The following PRR32 variants were observed in gnomAD, a reference collection of about 807,000 sequenced individuals.
PRR32 encodes proline rich 32.
PRR32 carries 2 observed loss-of-function variants against 1.3 expected under a neutral mutation model. That is an observed-to-expected ratio of 1.49 (90% CI 0.61 to 4.68). PRR32 has a LOEUF of 4.68. Ranked by LOEUF, PRR32 falls within the 30% of genes most tolerant of loss-of-function variation. PRR32 has a pLI of 0.06. For synonymous variants in PRR32, 107 were observed against 88.7 expected (o/e 1.21, Z -1.16); for missense variants, 241 against 232.5 (o/e 1.04, Z -0.24).
At position 126,821,510 on chromosome X, in the gene PRR32, CA is replaced by C. The variant is rs1930561182; in HGVS notation, c.873del (p.Ser292HisfsTer14). 2 of 1,165,277 alleles carry C rather than the reference CA, an allele frequency of 1.7e-6. No homozygotes were observed. Among genetic ancestry groups the C allele is most frequent in the Non-Finnish European group, 1.1e-6 (1 of 872,924 alleles). On this transcript the variant is annotated frameshift_variant, in exon 2 of 2. Coordinates refer to ENST00000371125, the MANE Select transcript of PRR32 (RefSeq NM_001122716.2). LOFTEE classifies it high-confidence loss of function. ...HFHSGGMPAP[A>X]SPNREHS is the part of the protein sequence containing the mutation. ...CATTCTGGGGGAATGCCAGCTCCTG[CA>C]TCACCCAACAGAGAGCACAGCTGAT...
In PRR32 at chrX:126,821,392, C is replaced by T; in HGVS notation, c.754C>T (p.Pro252Ser). 22 of 1,168,247 alleles carry T rather than the reference C, an allele frequency of 1.9e-5. No homozygotes were observed. Among genetic ancestry groups the T allele is most frequent in the Non-Finnish European group, 2.4e-5 (21 of 873,108 alleles). Residue 252 changes from proline to serine, a missense_variant, in exon 2 of 2, where the codon CCT (proline) becomes TCT (serine). Pro to Ser is a moderately conservative substitution (Grantham distance 74). Transcript: ENST00000371125. ...STVHCFIPPRPPIFNPFLTMP... is the reference protein window; with the variant it reads ...STVHCFIPPRSPIFNPFLTMP... ...TGTTCATTGTTTCATCCCTCCTCGA[C>T]CTCCGATTTTCAATCCCTTTCTCAC...
rs1250040021 is a variant in PRR32 at position 126,821,556 on chromosome X, AAAAGGGTTGTGG to A, written c.*26_*37del. ...GCTGATGGCAAAAAGGAAGGATGAA[AAAAGGGTTGTGG>A]AAAGAGGTGAAAGTTATTCATTTAT... On this transcript the variant is annotated 3_prime_UTR_variant, in exon 2 of 2. Coordinates refer to ENST00000371125, the MANE Select transcript of PRR32 (RefSeq NM_001122716.2). 8.6e-7 allele frequency: 1 copy of A among 1,157,842 alleles called. No individual in the cohort carries two copies.
rs200229374 is a variant in PRR32, at chrX:126,820,843, C to A, written c.205C>A (p.Gln69Lys). The A allele has an allele frequency of 2.1e-4, 241 of 1,165,767 alleles. No homozygotes were observed. Among genetic ancestry groups the A allele is most frequent in the Non-Finnish European group, 2.7e-4 (232 of 872,600 alleles). ...VNVLTDLDSK[Q>K]LEWPSERTGS... ...TGTGCTGACTGATCTGGATAGCAAG[C>A]AACTGGAGTGGCCCTCTGAAAGAAC... Residue 69 changes from glutamine to lysine, a missense_variant, in exon 2 of 2, where the codon CAA (glutamine) becomes AAA (lysine). Transcript: ENST00000371125.
intron 1 of PRR32, 125 bp downstream of exon 1, chrX:126,819,988 A>C (rs1218736237): frequency 2.9e-5 from 18 of 620,726 alleles, no homozygotes; most frequent in Non-Finnish European, 4.4e-5. Flanking sequence ...ACAGACAAAA[A>C]CTTGAAGGAC....
At position 126,820,660 on chromosome X, in the gene PRR32, C is replaced by T. The variant is rs1930539035; in HGVS notation, c.22C>T (p.Leu8Phe). 1.7e-6 allele frequency: 2 copies of T among 1,163,834 alleles called. No homozygotes were observed. The highest frequency in any genetic ancestry group is 2.3e-6 in the Non-Finnish European group (2 of 871,168). The change falls in exon 2 of 2, where the codon CTT becomes TTT. Residue 8 changes from leucine to phenylalanine, a missense_variant and splice_region_variant. Physicochemically the swap from Leu to Phe is conservative, Grantham distance 22. Coordinates refer to ENST00000371125, the MANE Select transcript of PRR32 (RefSeq NM_001122716.2). ...CTGTTTGATTTCTGTTTTTGCAAGCCTTGGAGGGCACGCCCCTTCACCCTT... is the reference window on the plus strand; with the variant it reads ...CTGTTTGATTTCTGTTTTTGCAAGCTTTGGAGGGCACGCCCCTTCACCCTT... MACIENV[L>F]GGHAPSPLVV...
rs1006060581 is a variant in PRR32, at chrX:126,821,017, A to C, written c.379A>C (p.Asn127His). 7.7e-6 allele frequency: 9 copies of C among 1,162,150 alleles called. No homozygotes were observed. Among genetic ancestry groups the C allele is most frequent in the Non-Finnish European group, 1.0e-5 (9 of 870,738 alleles). The change falls in exon 2 of 2, where the codon AAT (asparagine) becomes CAT (histidine). Residue 127 changes from asparagine (N) to histidine (H), a missense_variant. Transcript: ENST00000371125. Reference protein sequence around the residue: ...GWRQEGQDAINVSWEVSGGPP... With the variant: ...GWRQEGQDAIHVSWEVSGGPP... ...GAGGCAGGAGGGACAGGATGCTATT[A>C]ATGTGTCCTGGGAAGTCTCTGGCGG...
At chrX:126,820,510 G>T (rs774674410) in intron 1 of PRR32, 149 bp from the exon 2 acceptor site, 5 of 689,887 alleles carry the variant, frequency 7.2e-6, no homozygotes, top group Non-Finnish European at 1.0e-5. Flanking sequence ...GGGCCAGAGC[G>T]CTGAGCAAGT....
At position 126,819,864 on chromosome X, in the gene PRR32, G is replaced by GT. The variant is rs1357239026; in HGVS notation, c.20+2dup. The GT allele has an allele frequency of 8.6e-7, 1 of 1,162,698 alleles. No homozygotes were observed. Among genetic ancestry groups the GT allele is most frequent in the Non-Finnish European group, 1.1e-6 (1 of 870,860 alleles). ...TCTTCATGGCTTGTATTGAAAACGT[G>GT]TAAGTACAAAACCGAGTACAACTGT... On this transcript the variant is annotated splice_donor_variant, in intron 1 of 1. Transcript: ENST00000371125. LOFTEE classifies it high-confidence loss of function.
chrX:126,819,789 T>A lies in PRR32; in HGVS notation c.-55T>A, dbSNP rs895410932. The A allele has an allele frequency of 2.0e-5, 23 of 1,129,107 alleles. No homozygotes were observed. The African/African-American group carries it at 3.7e-4, about 18-fold the overall frequency. The allele number at this position is 1,129,107 out of a possible 1,213,427, so 93.1% of individuals were successfully genotyped here. On this transcript the variant is annotated 5_prime_UTR_variant, in exon 1 of 2. Transcript: ENST00000371125. ...GTCATTTCTCCAGACCTAGCTGGCC[T>A]GTTCAGTGGGTTATCTCCACCACCT... is the stretch of plus-strand genomic sequence containing the variant.
Position 126,821,632 on chromosome X carries a change from T to A in PRR32, c.*97T>A. The A allele has an allele frequency of 9.6e-7, 1 of 1,045,753 alleles. No homozygotes were observed. Among genetic ancestry groups the A allele is most frequent in the Non-Finnish European group, 1.3e-6 (1 of 792,967 alleles). 86.2% of individuals were successfully genotyped at this position (1,045,753 alleles called of 1,213,427 possible). ...AAACCTTGTACCCTCCCACACTCTG[T>A]TTAGCACTAATGTGCCCTACTTGAA... is the stretch of plus-strand genomic sequence containing the variant. On this transcript the variant is annotated 3_prime_UTR_variant, in exon 2 of 2. Coordinates refer to ENST00000371125, the MANE Select transcript of PRR32 (RefSeq NM_001122716.2).
In PRR32 at chrX:126,821,185, C is replaced by T. The variant is rs1299833998; in HGVS notation, c.547C>T (p.His183Tyr). ...PRGPQVRGPSHIPTLRSGIVM... is the reference protein window; with the variant it reads ...PRGPQVRGPSYIPTLRSGIVM... Reference sequence around the variant, plus strand: ...GGGCCCACAAGTGAGAGGCCCTTCACATATTCCCACCCTTAGATCAGGGAT... The same window carrying T: ...GGGCCCACAAGTGAGAGGCCCTTCATATATTCCCACCCTTAGATCAGGGAT... Residue 183 changes from histidine (H) to tyrosine (Y), a missense_variant, in exon 2 of 2, where the codon CAT becomes TAT. His to Tyr is a moderately conservative substitution (Grantham distance 83). Transcript: ENST00000371125. 2.6e-6 allele frequency: 3 copies of T among 1,166,106 alleles called. No individual in the cohort carries two copies. Among genetic ancestry groups the T allele is most frequent in the Admixed American group, 5.2e-5 (2 of 38,499 alleles).
intron 1 of PRR32, 120 bp downstream of exon 1, chrX:126,819,983 C>A: frequency 3.0e-6 from 2 of 674,371 alleles, no homozygotes; most frequent in Non-Finnish European, 4.4e-6. Context: ...AAATTACAGA[C>A]AAAAACTTGA....
rs2055921562 is a variant in PRR32, at chrX:126,821,085, G to A, written c.447G>A (p.Gly149=). 8.6e-7 allele frequency: 1 copy of A among 1,167,619 alleles called. No individual in the cohort carries two copies. The highest frequency in any genetic ancestry group is 1.8e-5 in the African/African-American group (1 of 56,249). The change falls in exon 2 of 2, where the codon GGG becomes GGA. Residue 149 remains glycine, a synonymous_variant. Coordinates refer to ENST00000371125, the MANE Select transcript of PRR32 (RefSeq NM_001122716.2). ...LIVGGTKVNN[G]GTERGSNNAR... is the part of the protein sequence containing the mutation. ...TAGGGGGCACAAAGGTCAACAATGG[G>A]GGCACTGAGAGAGGCAGTAATAACG...
Position 126,820,966 on chromosome X carries a change from A to T in PRR32, c.328A>T (p.Asn110Tyr). The T allele has an allele frequency of 8.6e-7, 1 of 1,166,277 alleles. No individual in the cohort carries two copies. The highest frequency in any genetic ancestry group is 1.1e-6 in the Non-Finnish European group (1 of 872,247). Residue 110 changes from asparagine (N) to tyrosine (Y), a missense_variant, in exon 2 of 2, where the codon AAC becomes TAC. Asn to Tyr is a moderately radical substitution (Grantham distance 143, BLOSUM62 -2). Transcript: ENST00000371125. ...AEESLATAEV[N>Y]SSDALAGWRQ... is the part of the protein sequence containing the mutation. ...AGAGTCCCTAGCAACAGCAGAAGTA[A>T]ACAGCTCTGATGCACTGGCAGGCTG...
chrX:126,820,622 C>T, intron 1 of PRR32, 37 bp from the exon 2 acceptor site: 1 of 1,145,165 alleles, frequency 8.7e-7, no homozygotes, highest in East Asian at 3.3e-5. Context: ...CAGTGCATTT[C>T]CATTTTTATT....
chrX:126,821,546 G>A lies in PRR32; in HGVS notation c.*11G>A, dbSNP rs1318836303. On this transcript the variant is annotated 3_prime_UTR_variant, in exon 2 of 2. Transcript: ENST00000371125. Reference sequence around the variant, plus strand: ...AGAGAGCACAGCTGATGGCAAAAAGGAAGGATGAAAAAAGGGTTGTGGAAA... The same window carrying A: ...AGAGAGCACAGCTGATGGCAAAAAGAAAGGATGAAAAAAGGGTTGTGGAAA... The A allele has an allele frequency of 8.6e-7, 1 of 1,157,704 alleles. No homozygotes were observed. The highest frequency in any genetic ancestry group is 2.7e-5 in the Admixed American group (1 of 37,699).
rs964138660 is a variant in PRR32, at chrX:126,821,478, C to T, written c.840C>T (p.Ala280=). 1.7e-5 allele frequency: 20 copies of T among 1,166,492 alleles called. No individual in the cohort carries two copies. Among genetic ancestry groups the T allele is most frequent in the Non-Finnish European group, 2.2e-5 (19 of 873,035 alleles). The change falls in exon 2 of 2, where the codon GCC becomes GCT. Residue 280 remains alanine (A), a synonymous_variant. Coordinates refer to ENST00000371125, the MANE Select transcript of PRR32 (RefSeq NM_001122716.2). The part of the protein sequence containing the change: ...IFGPPLPSYF[A]HFHSGGMPAP... ...GTCCTCCACTGCCTTCTTATTTTGC[C>T]CATTTCCATTCTGGGGGAATGCCAG...
At position 126,820,650 on chromosome X, in the gene PRR32, T is replaced by C. The variant is rs1322466944; in HGVS notation, c.21-9T>C. On this transcript the variant is annotated splice_polypyrimidine_tract_variant and intron_variant, in intron 1 of 1. Transcript: ENST00000371125. ...TTTTTATTAGCTGTTTGATTTCTGT[T>C]TTTGCAAGCCTTGGAGGGCACGCCC... 8.7e-7 allele frequency: 1 copy of C among 1,154,528 alleles called. No homozygotes were observed. Among genetic ancestry groups the C allele is most frequent in the African/African-American group, 1.8e-5 (1 of 55,207 alleles).
chrX:126,820,687 G>C lies in PRR32; in HGVS notation c.49G>C (p.Val17Leu). 1 of 1,167,781 alleles carries C rather than the reference G, an allele frequency of 8.6e-7. No homozygotes were observed. Among genetic ancestry groups the C allele is most frequent in the South Asian group, 1.9e-5 (1 of 52,701 alleles). ...TGGAGGGCACGCCCCTTCACCCTTG[G>C]TAGTATCTGTGGACAAAAATGGGAA... ...VLGGHAPSPL[V>L]VSVDKNGNQE... Residue 17 changes from valine to leucine, a missense_variant, in exon 2 of 2, where the codon GTA becomes CTA. Val to Leu is a conservative substitution (Grantham distance 32). Coordinates refer to ENST00000371125, the MANE Select transcript of PRR32 (RefSeq NM_001122716.2).
Sources: allele counts gnomAD v4.1 joint callset, GRCh38; gene constraint gnomAD v4.1.1; transcripts MANE v1.5; gene names NCBI Gene and HGNC (gene_info 2026-07-23, HGNC 2026-07-21).